GLCCI1: variants seen among roughly 807,000 people sequenced by gnomAD.
GLCCI1 encodes glucocorticoid-induced transcript 1 protein.
GLCCI1 carries 24 observed loss-of-function variants against 52.2 expected under a neutral mutation model. That is an observed-to-expected ratio of 0.46 (90% confidence interval 0.33 to 0.65). GLCCI1 has a LOEUF of 0.65. GLCCI1 is among the 30% of genes least tolerant of loss of function. The pLI is 0.02. For synonymous variants in GLCCI1, 310 were observed against 276.5 expected, an observed-to-expected ratio of 1.12 and a Z score of -1.20; for missense variants, 704 against 701.5, an observed-to-expected ratio of 1.00 and a Z score of -0.04.
chr7:8,061,895 C>A (rs1020942185), intron 5 of GLCCI1, among the ~76,000 whole-genome samples: 4 of 151,636 alleles, frequency 2.6e-5, no homozygotes, highest in Non-Finnish European at 4.4e-5. Flanking sequence ...TCGAACTCCT[C>A]ACCTCAAGTG....
chr7:7,980,868 A>G (rs1780599513), intron 1 of GLCCI1: 2 of 650,560 alleles, frequency 3.1e-6, no homozygotes, highest in Non-Finnish European at 5.6e-6. Flanking sequence ...GATAAATTAT[A>G]TAGTGATTTT....
chr7:8,041,923 C>T (rs544762823), intron 3 of GLCCI1, among the ~76,000 whole-genome samples: 2 of 152,180 alleles, frequency 1.3e-5, no homozygotes, highest in Admixed American at 6.5e-5. Context: ...TGCTCATTTG[C>T]CATTCTGAAA....
chr7:8,053,392 T>G (rs1378731901), intron 3 of GLCCI1, among the ~76,000 whole-genome samples: 1 of 150,782 alleles, frequency 6.6e-6, no homozygotes, highest in Admixed American at 6.6e-5. Context: ...GGTGGGATCT[T>G]GGCTCACTGC....
chr7:7,990,793 A>G (rs1404837289), intron 1 of GLCCI1, among the ~76,000 whole-genome samples: 1 of 152,122 alleles, frequency 6.6e-6, no homozygotes, highest in East Asian at 1.9e-4. Context: ...TATATATGAA[A>G]GTAAATGCTA....
At chr7:8,003,017 C>A (rs183030625) in intron 1 of GLCCI1, among the ~76,000 whole-genome samples, 4 of 152,284 alleles carry the variant, frequency 2.6e-5, no homozygotes, top group African/African-American at 9.6e-5. Flanking sequence ...AATTCTTCGT[C>A]TGTGAATGAG....
At chr7:8,060,604 T>A (rs1258398906) in intron 5 of GLCCI1, among the ~76,000 whole-genome samples, 2 of 152,178 alleles carry the variant, frequency 1.3e-5, no homozygotes, top group African/African-American at 4.8e-5. Context: ...CTTAACTGGA[T>A]TTTTTTTAAC....
At chr7:7,984,200 A>G (rs1195539198) in intron 1 of GLCCI1, among the ~76,000 whole-genome samples, 1 of 152,082 alleles carries the variant, frequency 6.6e-6, no homozygotes. Context: ...ATCCAGGACC[A>G]CAGGCATGTG....
chr7:8,040,305 G>C (rs1446803115), intron 3 of GLCCI1, among the ~76,000 whole-genome samples: 3 of 152,040 alleles, frequency 2.0e-5, no homozygotes, highest in Admixed American at 1.3e-4. Context: ...GAGCAACATA[G>C]TAAGAGTTCA....
chr7:8,067,690 T>A (rs1249178853), intron 5 of GLCCI1, among the ~76,000 whole-genome samples: 3 of 152,240 alleles, frequency 2.0e-5, no homozygotes, highest in African/African-American at 7.2e-5. Flanking sequence ...TCTTTTGGCT[T>A]GCCAGATTTC....
At chr7:8,024,786 C>G (rs931023016) in intron 3 of GLCCI1, 1 of 152,192 alleles carries the variant, frequency 6.6e-6, no homozygotes, top group African/African-American at 2.4e-5. Context: ...AACTGAGAAG[C>G]TTTATTCATG....
At chr7:8,003,269 A>T (rs896621070) in intron 1 of GLCCI1, among the ~76,000 whole-genome samples, 4 of 152,188 alleles carry the variant, frequency 2.6e-5, no homozygotes, top group African/African-American at 9.7e-5. Flanking sequence ...GTGACATCTG[A>T]ACTGGTCTTG....
rs564031630 is a variant in GLCCI1, at chr7:8,053,944, T to TGTTAA, written c.697-1485_697-1481dup. ...TGTAGGCTTTTTGTCTTCAGGGGTT[T>TGTTAA]GTTAAGTTGGCTTAGAACAAAATTT... On this transcript the variant is annotated intron_variant, in intron 3 of 7. Transcript: ENST00000223145. 4.6e-5 allele frequency among the ~76,000 whole-genome samples: 7 copies of TGTTAA among 152,308 alleles called. No homozygotes were observed. In the South Asian group the frequency reaches 1.4e-3, roughly 32 times the overall value.
At position 7,969,255 on chromosome 7, in the gene GLCCI1, C is replaced by T; in HGVS notation, c.-96C>T. ...TACCCCCGCCCCTCCCCCTTACACA[C>T]TCGCACGCACTATCGCGCCGGCTCC... On this transcript the variant is annotated 5_prime_UTR_variant, in exon 1 of 8. Coordinates refer to ENST00000223145, the MANE Select transcript of GLCCI1 (RefSeq NM_138426.4). The surrounding 1 kb of genome is among the most constrained non-coding windows in gnomAD (Gnocchi z 4.9). The T allele has an allele frequency of 1.7e-6, 2 of 1,146,918 alleles. No individual in the cohort carries two copies. Among genetic ancestry groups the T allele is most frequent in the Non-Finnish European group, 2.2e-6 (2 of 917,884 alleles). The allele number at this position is 1,146,918 out of a possible 1,614,324, so 71.0% of individuals were successfully genotyped here.
chr7:7,982,156 G>C (rs958525127), intron 1 of GLCCI1: 8 of 351,614 alleles, frequency 2.3e-5, no homozygotes, highest in Non-Finnish European at 4.5e-5. Context: ...CTTTATGAAA[G>C]AGAAAGGAGT....
chr7:8,083,068 C>T (rs1783031069), intron 6 of GLCCI1, among the ~76,000 whole-genome samples: 1 of 152,104 alleles, frequency 6.6e-6, no homozygotes, highest in Non-Finnish European at 1.5e-5. Flanking sequence ...AAGTTATGTC[C>T]AGCAGTAATC....
In GLCCI1 at chr7:8,086,392, C is replaced by A. The variant is rs753831888; in HGVS notation, c.1498C>A (p.Arg500=). 6.2e-7 allele frequency: 1 copy of A among 1,614,092 alleles called. No individual in the cohort carries two copies. Among genetic ancestry groups the A allele is most frequent in the South Asian group, 1.1e-5 (1 of 91,074 alleles). The change falls in exon 8 of 8, where the codon CGG becomes AGG. Residue 500 remains arginine, a synonymous_variant. Transcript: ENST00000223145. This position sits in a 1 kb window ranked among gnomAD's most constrained non-coding sequence, Gnocchi z 4.4. Reference sequence around the variant, plus strand: ...TCTGACCGTTGAGCAGCTCTCATCCCGGGTTTCCTTTACGTCTCTTTCTGA... The same window carrying A: ...TCTGACCGTTGAGCAGCTCTCATCCAGGGTTTCCTTTACGTCTCTTTCTGA... ...ATLTVEQLSS[R]VSFTSLSDDT...
At chr7:8,053,319 T>TTTTTG (rs1241434830) in intron 3 of GLCCI1, among the ~76,000 whole-genome samples, 3 of 92,222 alleles carry the variant, frequency 3.3e-5, no homozygotes, top group African/African-American at 5.1e-5. Flanking sequence ...GTTTTCGTTT[T>TTTTTG]TTTTTTTGTT....
At chr7:8,070,823 T>C in intron 5 of GLCCI1, 98 bp from the exon 6 acceptor site, 1 of 1,038,112 alleles carries the variant, frequency 9.6e-7, no homozygotes, top group African/African-American at 1.6e-5. Context: ...ACTGGGTCAG[T>C]AGTGGTGGAA....
At chr7:8,061,314 A>G (rs1172605772) in intron 5 of GLCCI1, among the ~76,000 whole-genome samples, 1 of 152,024 alleles carries the variant, frequency 6.6e-6, no homozygotes, top group Non-Finnish European at 1.5e-5. Flanking sequence ...GTTAGCCAGG[A>G]TGGTCTGGAT....
Sources: gnomAD v4.1 joint callset for allele counts (sites outside exome capture counted in the v4.1 genomes callset) on GRCh38, gnomAD v4.1.1 for gene constraint, Gnocchi (gnomAD v3.1) non-coding constraint, MANE v1.5 for transcripts, NCBI Gene and HGNC (gene_info 2026-07-23, HGNC 2026-07-21) for gene names.